Variants in TMC4 observed in about 807,000 individuals in gnomAD.
TMC4 encodes transmembrane channel like 4.
Under a neutral mutation model 82.0 loss-of-function variants are expected in TMC4, and 70 were observed. That is an observed-to-expected ratio of 0.85 (90% confidence interval 0.70 to 1.04). The LOEUF (loss-of-function observed/expected upper bound fraction) is 1.04, where lower values mean the gene tolerates loss of function less well. Ranked by LOEUF, TMC4 falls within the 50% of genes least tolerant of loss-of-function variation. The pLI, the probability that TMC4 is intolerant of heterozygous loss-of-function variation, is 0.00. For missense variants in TMC4, 879 were observed against 899.0 expected, an observed-to-expected ratio of 0.98 and a Z score of 0.28; for synonymous variants, 446 against 406.0, an observed-to-expected ratio of 1.10 and a Z score of -1.18.
rs955597719 is a variant in TMC4, at chr19:54,172,868, G to T, written c.79+171C>A. 4 of 635,766 alleles carry T rather than the reference G, an allele frequency of 6.3e-6. No individual in the cohort carries two copies. The African/African-American group carries it at 7.4e-5, about 12-fold the overall frequency. 39.4% of individuals were successfully genotyped at this position (635,766 alleles called of 1,614,324 possible). A position where few individuals can be genotyped will look rare whatever the true frequency, so the allele number is the denominator to read the frequency against. ...TGGTTCTCCAGGCTCCTCCTCCTCA[G>T]ACCCTGGAGTTCCAGCCTCCAGTTC... On this transcript the variant is annotated intron_variant, in intron 1 of 14. Coordinates refer to ENST00000619895, the MANE Select transcript of TMC4 (RefSeq NM_144686.4).
chr19:54,164,679 A>G (rs767317392), intron 6 of TMC4, 78 bp from the exon 7 acceptor site: 23 of 1,576,002 alleles, frequency 1.5e-5, no homozygotes, highest in Non-Finnish European at 1.9e-5. Context: ...CTGGCTCTCC[A>G]GAGATCCTCC....
rs1275421937 is a variant in TMC4 at position 54,169,588 on chromosome 19, A to C, written c.366T>G (p.Leu122=). ...GTKTDRWARL[L]RRSKEKTKEG... ...CCTTTGTTTTCTCCTTGGACCTCCG[A>C]AGTAGCCGCGCCCATCGGTCCGTCT... The change falls in exon 3 of 15, where the codon CTT becomes CTG. Residue 122 remains leucine, a synonymous_variant. Coordinates refer to ENST00000619895, the MANE Select transcript of TMC4 (RefSeq NM_144686.4). 6.2e-7 allele frequency: 1 copy of C among 1,613,906 alleles called. No homozygotes were observed. The highest frequency in any genetic ancestry group is 1.3e-5 in the African/African-American group (1 of 74,884).
intron 11 of TMC4, among the ~76,000 whole-genome samples, chr19:54,161,474 G>A (rs1401779784): frequency 6.7e-6 from 1 of 149,894 alleles, no homozygotes; most frequent in Non-Finnish European, 1.5e-5. Context: ...TCAGCCTCCC[G>A]AGTAGCTGGG....
intron 7 of TMC4, among the ~76,000 whole-genome samples, chr19:54,164,192 C>G (rs922837468): frequency 5.3e-5 from 8 of 151,940 alleles, no homozygotes; most frequent in South Asian, 2.1e-4. Flanking sequence ...TCAGGCTGGT[C>G]TGGAACTCCT....
At chr19:54,162,324 T>C (rs12978996) in intron 10 of TMC4, 39 bp from the exon 11 acceptor site, 482,641 of 1,240,716 alleles carry the variant, frequency 0.39, 84,921 homozygotes, top group African/African-American at 0.48. Context: ...GTCAGGGGAG[T>C]GGCGGCCTGG....
chr19:54,167,649 C>T (rs1385988574), intron 5 of TMC4, among the ~76,000 whole-genome samples: 3 of 150,258 alleles, frequency 2.0e-5, no homozygotes, highest in African/African-American at 7.3e-5. Flanking sequence ...CTCTCTGTCG[C>T]CCAGGCTGGA....
chr19:54,162,418 C>T, intron 10 of TMC4, 133 bp from the exon 11 acceptor site: 1 of 724,760 alleles, frequency 1.4e-6, no homozygotes, highest in South Asian at 1.9e-5. Flanking sequence ...ACTTTCAGGA[C>T]TCCACGTGGA....
chr19:54,165,597 G>C, intron 5 of TMC4, 31 bp from the exon 6 acceptor site: 1 of 1,585,194 alleles, frequency 6.3e-7, no homozygotes, highest in Non-Finnish European at 8.6e-7. Flanking sequence ...GACGGGAAGT[G>C]AAAGGACAGC....
At chr19:54,166,416 A>G (rs116279428) in intron 5 of TMC4, among the ~76,000 whole-genome samples, 6,481 of 151,780 alleles carry the variant, frequency 0.043, 346 homozygotes, top group African/African-American at 0.12. Flanking sequence ...GAGATAGAGA[A>G]CCCCAGCAGG....
chr19:54,164,215 C>T (rs2075643835), intron 7 of TMC4, among the ~76,000 whole-genome samples: 1 of 151,806 alleles, frequency 6.6e-6, no homozygotes, highest in South Asian at 2.1e-4. Context: ...CATCGTGATC[C>T]GCCCGCCTCA....
intron 6 of TMC4, among the ~76,000 whole-genome samples, chr19:54,165,097 G>A (rs1364554986): frequency 6.8e-6 from 1 of 147,402 alleles, no homozygotes; most frequent in African/African-American, 2.5e-5. Flanking sequence ...TGGTAGAGAG[G>A]GAGCCTCCCT....
rs79161038 is a variant in TMC4 at position 54,162,403 on chromosome 19, G to A, written c.1503-118C>T. 6.6e-6 allele frequency: 5 copies of A among 759,506 alleles called. No homozygotes were observed. The East Asian group carries it at 9.1e-5, about 14-fold the overall frequency. The allele number at this position is 759,506 out of a possible 1,614,324, so 47.0% of individuals were successfully genotyped here. A position where few individuals can be genotyped will look rare whatever the true frequency, so the allele number is the denominator to read the frequency against. On this transcript the variant is annotated intron_variant, in intron 10 of 14. Transcript: ENST00000619895. ...CGTATTGGTGGTGGGGGGGGGGGGG[G>A]CGGGACTTTCAGGACTCCACGTGGA... is the stretch of plus-strand genomic sequence containing the variant.
Position 54,162,268 on chromosome 19 carries a change from CAG to C in TMC4, c.1518_1519del (p.Cys507SerfsTer43). 1 of 1,579,738 alleles carries C rather than the reference CAG, an allele frequency of 6.3e-7. No individual in the cohort carries two copies. The highest frequency in any genetic ancestry group is 2.3e-5 in the East Asian group (1 of 43,956). The stretch of plus-strand genomic sequence containing the variant: ...CGCCAGACGACCCAGCGCCCCAGGA[CAG>C]AGGCCACAGAGGAGCCTGAAGGACG... On this transcript the variant is annotated frameshift_variant, in exon 11 of 15. Coordinates refer to ENST00000619895, the MANE Select transcript of TMC4 (RefSeq NM_144686.4). LOFTEE classifies it high-confidence loss of function.
At chr19:54,162,626 G>T in intron 10 of TMC4, 47 bp downstream of exon 10, 1 of 1,468,078 alleles carries the variant, frequency 6.8e-7, no homozygotes, top group Non-Finnish European at 9.5e-7. Flanking sequence ...ATGGGGCACG[G>T]CCTCGTCCTA....
At chr19:54,169,010 A>T (rs1236098891) in intron 3 of TMC4, among the ~76,000 whole-genome samples, 139 of 6,986 alleles carry the variant, frequency 0.02, 29 homozygotes, top group African/African-American at 0.07. Context: ...ATATATATAT[A>T]TTTTTTTTTT....
rs756777812 is a variant in TMC4, at chr19:54,168,504, G to A, written c.619C>T (p.His207Tyr). ...GCAAAGGTGACCAGGCCCTGGGAGT[G>A]GGGGTTATAGGAGCCGCAGGGCGAG... ...ISSPCGSYNPHSQGLVTFATQ... is the reference protein window; with the variant it reads ...ISSPCGSYNPYSQGLVTFATQ... Residue 207 changes from histidine to tyrosine, a missense_variant, in exon 4 of 15, where the codon CAC (histidine) becomes TAC (tyrosine). By Grantham distance (83) the His-to-Tyr change is moderately conservative. Transcript: ENST00000619895. The A allele has an allele frequency of 1.1e-4, 174 of 1,547,558 alleles. No individual in the cohort carries two copies. The highest frequency in any genetic ancestry group is 2.2e-4 in the Middle Eastern group (1 of 4,622).
intron 5 of TMC4, among the ~76,000 whole-genome samples, chr19:54,166,387 G>A (rs1389519615): frequency 6.6e-6 from 1 of 151,652 alleles, no homozygotes; most frequent in African/African-American, 2.4e-5. Context: ...TCAAGAGAGG[G>A]GGGCAAAGAC....
Position 54,161,263 on chromosome 19 carries a change from G to A in TMC4, c.1687-3C>T. The A allele has an allele frequency of 6.6e-7, 1 of 1,518,400 alleles. No individual in the cohort carries two copies. The highest frequency in any genetic ancestry group is 8.8e-7 in the Non-Finnish European group (1 of 1,134,238). 94.1% of individuals were successfully genotyped at this position (1,518,400 alleles called of 1,614,324 possible). A position where few individuals can be genotyped will look rare whatever the true frequency, so the allele number is the denominator to read the frequency against. ...GAGCAGGTGGAGAAGAGGGTAAGCT[G>A]GTGGGGGAAGGCACGGAGAAAAGGG... On this transcript the variant is annotated splice_polypyrimidine_tract_variant and splice_region_variant and intron_variant, in intron 11 of 14. Transcript: ENST00000619895.
chr19:54,164,378 C>G, intron 7 of TMC4, 56 bp downstream of exon 7: 1 of 1,549,596 alleles, frequency 6.5e-7, no homozygotes, highest in Non-Finnish European at 8.7e-7. Context: ...CTCCCTCCAC[C>G]GTTGGAAATG....
Sources: gnomAD v4.1 joint callset for allele counts (sites outside exome capture counted in the v4.1 genomes callset) on GRCh38, gnomAD v4.1.1 for gene constraint, MANE v1.5 for transcripts, NCBI Gene and HGNC (gene_info 2026-07-23, HGNC 2026-07-21) for gene names.